Variants in ABCB1 observed in about 807,000 individuals in gnomAD.
The protein encoded by ABCB1 is ATP-dependent translocase ABCB1.
A neutral mutation model predicts 142.0 loss-of-function variants in ABCB1; 69 were observed. That is an observed-to-expected ratio of 0.49 (90% CI 0.40 to 0.59). The LOEUF (loss-of-function observed/expected upper bound fraction) is 0.59. Among genes scored for constraint, ABCB1 ranks in the 20% least tolerant of loss-of-function variants. The pLI is 0.00. For missense variants in ABCB1, 1,326 were observed against 1,554.7 expected, an observed-to-expected ratio of 0.85 and a Z score of 2.47; for synonymous variants, 532 against 539.2, an observed-to-expected ratio of 0.99 and a Z score of 0.18.
intron 14 of ABCB1, among the ~76,000 whole-genome samples, chr7:87,549,138 A>C (rs1198482738): frequency 6.6e-6 from 1 of 152,232 alleles, no homozygotes; most frequent in Non-Finnish European, 1.5e-5. Flanking sequence ...AACATTTAAA[A>C]TAAGATCAGA....
intron 1 of ABCB1, among the ~76,000 whole-genome samples, chr7:87,710,119 A>G (rs1262801604): frequency 2.0e-5 from 3 of 152,144 alleles, no homozygotes; most frequent in Non-Finnish European, 2.9e-5. Flanking sequence ...CTCCCACTGA[A>G]AGGATAGGAT....
intron 1 of ABCB1, among the ~76,000 whole-genome samples, chr7:87,688,590 T>A (rs182167531): frequency 4.1e-4 from 62 of 152,148 alleles, no homozygotes; most frequent in Non-Finnish European, 7.5e-4. Flanking sequence ...AGTGACCTTT[T>A]TTCTCCGTTG....
intron 1 of ABCB1, among the ~76,000 whole-genome samples, chr7:87,618,938 A>G (rs985993898): frequency 6.6e-6 from 1 of 152,194 alleles, no homozygotes; most frequent in African/African-American, 2.4e-5. Context: ...GATTCTACCA[A>G]CAACTTGAAT....
intron 8 of ABCB1, among the ~76,000 whole-genome samples, chr7:87,554,536 C>T (rs921704757): frequency 2.0e-5 from 3 of 152,250 alleles, no homozygotes; most frequent in East Asian, 1.9e-4. Flanking sequence ...ATCTTACTTC[C>T]GTAGACATTT....
chr7:87,536,237 G>T (rs28381956), intron 20 of ABCB1, among the ~76,000 whole-genome samples: 3 of 152,208 alleles, frequency 2.0e-5, no homozygotes, highest in Non-Finnish European at 4.4e-5. Flanking sequence ...ATGAATAACA[G>T]CAATAGCAAA....
chr7:87,679,531 A>G (rs1252027589), intron 1 of ABCB1, among the ~76,000 whole-genome samples: 1 of 150,054 alleles, frequency 6.7e-6, no homozygotes, highest in Non-Finnish European at 1.5e-5. Flanking sequence ...CTGGGACTAC[A>G]GGCACACACC....
At chr7:87,699,711 A>T (rs1828848804) in intron 1 of ABCB1, among the ~76,000 whole-genome samples, 1 of 152,250 alleles carries the variant, frequency 6.6e-6, no homozygotes, top group South Asian at 2.1e-4. Flanking sequence ...CAACCATAGA[A>T]ATATTAATAC....
chr7:87,531,802 A>G, intron 20 of ABCB1: 1 of 341,030 alleles, frequency 2.9e-6, no homozygotes, highest in Non-Finnish European at 5.5e-6. Flanking sequence ...TCTGCAAATT[A>G]GCAAGATAAA....
chr7:87,562,816 A>C (rs1242033395), intron 7 of ABCB1, among the ~76,000 whole-genome samples: 1 of 152,012 alleles, frequency 6.6e-6, no homozygotes, highest in South Asian at 2.1e-4. Flanking sequence ...AGGATATGAA[A>C]AGGCCAGGTG....
At chr7:87,664,028 A>G (rs540261206) in intron 1 of ABCB1, among the ~76,000 whole-genome samples, 66 of 152,268 alleles carry the variant, frequency 4.3e-4, no homozygotes, top group Admixed American at 1.0e-3. Flanking sequence ...AAACATGTGA[A>G]TTTTGGAGGC....
At chr7:87,628,759 C>T in intron 1 of ABCB1, 1 of 1,039,230 alleles carries the variant, frequency 9.6e-7, no homozygotes, top group Non-Finnish European at 1.3e-6. Flanking sequence ...CGAGAACCCC[C>T]TTAAGCAGGT....
chr7:87,536,739 G>C (rs943091520), intron 19 of ABCB1, among the ~76,000 whole-genome samples, 198 bp from the exon 20 acceptor site: 1 of 152,176 alleles, frequency 6.6e-6, no homozygotes, highest in Admixed American at 6.5e-5. Flanking sequence ...AAAAATTTCT[G>C]AGTGCCTACT....
intron 1 of ABCB1, among the ~76,000 whole-genome samples, chr7:87,652,897 A>G (rs1823726207): frequency 6.6e-6 from 1 of 151,888 alleles, no homozygotes; most frequent in Non-Finnish European, 1.5e-5. Flanking sequence ...GCGTGTTTCT[A>G]AGATCTACTT....
chr7:87,548,802 A>C (rs950559314), intron 14 of ABCB1, among the ~76,000 whole-genome samples: 2 of 152,202 alleles, frequency 1.3e-5, no homozygotes, highest in Non-Finnish European at 2.9e-5. Flanking sequence ...CAGGACAGTC[A>C]AACTCTGTTG....
intron 2 of ABCB1, 61 bp downstream of exon 2, chr7:87,600,056 A>T (rs1819380313): frequency 7.7e-6 from 11 of 1,424,436 alleles, no homozygotes; most frequent in East Asian, 4.6e-5. Flanking sequence ...GCTGGAGGCT[A>T]GAAATAAATT....
chr7:87,513,493 G>GT (rs1472180958), intron 25 of ABCB1, among the ~76,000 whole-genome samples: 1 of 152,078 alleles, frequency 6.6e-6, no homozygotes, highest in Non-Finnish European at 1.5e-5. Flanking sequence ...ATCACCAAGT[G>GT]TTTTTCCCAC....
intron 1 of ABCB1, among the ~76,000 whole-genome samples, chr7:87,671,597 G>T (rs1180700942): frequency 1.3e-5 from 2 of 152,162 alleles, no homozygotes; most frequent in Non-Finnish European, 2.9e-5. Flanking sequence ...CCTCTCTCTG[G>T]GAGCTTTGTC....
At chr7:87,678,515 A>G (rs1826604319) in intron 1 of ABCB1, among the ~76,000 whole-genome samples, 1 of 152,254 alleles carries the variant, frequency 6.6e-6, no homozygotes, top group Non-Finnish European at 1.5e-5. Flanking sequence ...ACATTAAAAC[A>G]TTAAAGTTAT....
At chr7:87,712,980 A>G (rs933092623) in intron 1 of ABCB1, among the ~76,000 whole-genome samples, 39 of 152,150 alleles carry the variant, frequency 2.6e-4, no homozygotes, top group Non-Finnish European at 4.6e-4. Context: ...GTTAACTAAA[A>G]AATGCGGCAA....
Sources: gnomAD v4.1 joint callset for allele counts (sites outside exome capture counted in the v4.1 genomes callset) on GRCh38, gnomAD v4.1.1 for gene constraint, MANE v1.5 for transcripts, NCBI Gene and HGNC (gene_info 2026-07-23, HGNC 2026-07-21) for gene names.